Variants in RTN4RL1 observed in about 807,000 individuals in gnomAD.
The protein encoded by RTN4RL1 is reticulon 4 receptor like 1.
RTN4RL1 carries 7 observed loss-of-function variants against 25.6 expected under a neutral mutation model. The ratio of observed to expected loss-of-function variants is 0.27; its 90% CI spans 0.16 to 0.51. The LOEUF (loss-of-function observed/expected upper bound fraction) is 0.51, where lower values mean the gene tolerates loss of function less well. Among genes scored for constraint, RTN4RL1 ranks in the 20% least tolerant of loss-of-function variants. The probability of loss-of-function intolerance (pLI) is 0.97; values close to 1 mark genes in which losing one functional copy is unlikely to be tolerated. For missense variants in RTN4RL1, 500 were observed against 615.6 expected (o/e 0.81, Z 1.99); for synonymous variants, 297 against 288.2 (o/e 1.03, Z -0.31).
chr17:1,965,733 CGCCAG>C (rs1567511617), intron 1 of RTN4RL1, among the ~76,000 whole-genome samples: 1 of 152,178 alleles, frequency 6.6e-6, no homozygotes, highest in East Asian at 1.9e-4. Flanking sequence ...CCCCTGGCCC[CGCCAG>C]GCCCCCACTG....
intron 1 of RTN4RL1, among the ~76,000 whole-genome samples, chr17:1,965,892 C>T (rs1026909631): frequency 6.6e-6 from 1 of 152,282 alleles, no homozygotes; most frequent in African/African-American, 2.4e-5. Context: ...GCCTTCCCCC[C>T]ACCCCTGAGA....
At chr17:2,007,148 A>G (rs67810169) in intron 1 of RTN4RL1, among the ~76,000 whole-genome samples, 53,101 of 151,676 alleles carry the variant, frequency 0.35, 9,648 homozygotes, top group East Asian at 0.55. Flanking sequence ...CTACAAATAC[A>G]TCAAAATCAC....
intron 1 of RTN4RL1, among the ~76,000 whole-genome samples, chr17:1,972,531 G>A (rs567390196): frequency 2.0e-5 from 3 of 151,878 alleles, no homozygotes; most frequent in East Asian, 1.9e-4. Context: ...CCCGCTTTGC[G>A]GCCCCTCCCC....
chr17:1,976,961 G>A (rs895555318), intron 1 of RTN4RL1, among the ~76,000 whole-genome samples: 1 of 152,204 alleles, frequency 6.6e-6, no homozygotes, highest in South Asian at 2.1e-4. Context: ...CTTAGCTAGT[G>A]CCTGGCTCGG....
chr17:1,988,509 A>AG (rs1183194323), intron 1 of RTN4RL1, among the ~76,000 whole-genome samples: 3 of 128,784 alleles, frequency 2.3e-5, no homozygotes, highest in Non-Finnish European at 3.3e-5. Context: ...TCTGTCTCAA[A>AG]AAAAAAAAAA....
intron 1 of RTN4RL1, among the ~76,000 whole-genome samples, chr17:2,021,521 C>T (rs904297298): frequency 4.0e-5 from 6 of 148,574 alleles, no homozygotes; most frequent in South Asian, 4.3e-4. Flanking sequence ...GGCAAGAAAA[C>T]AGCAAGAACT....
chr17:1,986,212 C>T (rs997458709), intron 1 of RTN4RL1, among the ~76,000 whole-genome samples: 13 of 152,156 alleles, frequency 8.5e-5, no homozygotes, highest in East Asian at 1.9e-4. Flanking sequence ...ACCAAGTGCT[C>T]GGCACCCTGT....
chr17:1,984,494 G>T (rs1428254357), intron 1 of RTN4RL1, among the ~76,000 whole-genome samples: 1 of 152,178 alleles, frequency 6.6e-6, no homozygotes, highest in African/African-American at 2.4e-5. Context: ...CTCCCAAAGT[G>T]CTGGGATTCC....
intron 1 of RTN4RL1, among the ~76,000 whole-genome samples, chr17:1,959,952 G>T (rs989943704): frequency 6.6e-6 from 1 of 152,126 alleles, no homozygotes; most frequent in African/African-American, 2.4e-5. Context: ...CCGCCTGCCC[G>T]CCTGGCACTG....
chr17:1,999,886 CTG>C (rs1438613122), intron 1 of RTN4RL1, among the ~76,000 whole-genome samples: 1 of 152,274 alleles, frequency 6.6e-6, no homozygotes, highest in Admixed American at 6.5e-5. Flanking sequence ...CTCTCCTCTC[CTG>C]TCTAGGGCCC....
intron 1 of RTN4RL1, among the ~76,000 whole-genome samples, chr17:2,005,258 CG>C (rs1250988436): frequency 6.6e-6 from 1 of 152,148 alleles, no homozygotes; most frequent in Admixed American, 6.5e-5. Flanking sequence ...CCTCCTGCCT[CG>C]GCTTCCCAAA....
At position 1,957,551 on chromosome 17, in the gene RTN4RL1, G is replaced by C. The variant is rs550615158; in HGVS notation, c.14-19743C>G. Among the ~76,000 whole-genome samples, 33 of 152,264 alleles carry C rather than the reference G, an allele frequency of 2.2e-4. 2 individuals carry two copies. The South Asian group carries it at 5.4e-3, about 25-fold the overall frequency. ...AGAAAAATGAAGCTCAACAAAGTGAGGTGGCAGGGCCGGGTGCAGTGGCTC... is the reference window on the plus strand; with the variant it reads ...AGAAAAATGAAGCTCAACAAAGTGACGTGGCAGGGCCGGGTGCAGTGGCTC... On this transcript the variant is annotated intron_variant, in intron 1 of 1. Transcript: ENST00000331238.
At chr17:1,991,988 C>T (rs2151319444) in intron 1 of RTN4RL1, among the ~76,000 whole-genome samples, 1 of 152,270 alleles carries the variant, frequency 6.6e-6, no homozygotes, top group South Asian at 2.1e-4. Context: ...GCCCCACGCC[C>T]ACCCTCCTTC....
At chr17:1,951,329 G>A (rs768089820) in intron 1 of RTN4RL1, among the ~76,000 whole-genome samples, 4 of 152,084 alleles carry the variant, frequency 2.6e-5, no homozygotes, top group East Asian at 1.9e-4. Flanking sequence ...GGCTTTTCGC[G>A]ACACAATGCT....
intron 1 of RTN4RL1, among the ~76,000 whole-genome samples, chr17:1,960,832 G>A (rs561972968): frequency 5.8e-4 from 88 of 152,102 alleles, no homozygotes; most frequent in African/African-American, 2.1e-3. Context: ...TCACACTGAC[G>A]GTTCCCACGG....
At chr17:1,993,552 C>A (rs545938054) in intron 1 of RTN4RL1, among the ~76,000 whole-genome samples, 1 of 152,158 alleles carries the variant, frequency 6.6e-6, no homozygotes, top group East Asian at 1.9e-4. Context: ...TTTTACAGAC[C>A]TGCTTTATTC....
chr17:1,950,508 T>C (rs893667024), intron 1 of RTN4RL1, among the ~76,000 whole-genome samples: 2 of 151,740 alleles, frequency 1.3e-5, no homozygotes, highest in Non-Finnish European at 2.9e-5. Flanking sequence ...AGCCCAGAGG[T>C]TGGCTGTACA....
chr17:1,999,725 AG>A lies in RTN4RL1; in HGVS notation c.13+25127del, dbSNP rs545257278. Among the ~76,000 whole-genome samples the A allele has an allele frequency of 1.6e-3, 237 of 152,102 alleles. 1 individual carries two copies. Among genetic ancestry groups the A allele is most frequent in the African/African-American group, 5.5e-3 (229 of 41,494 alleles). ...ACACACACTCTTGCGTGCTGACTGCAGGCGGCTGGGGAAGAGCTGCAGCCTC... is the reference window on the plus strand; with the variant it reads ...ACACACACTCTTGCGTGCTGACTGCAGCGGCTGGGGAAGAGCTGCAGCCTC... On this transcript the variant is annotated intron_variant, in intron 1 of 1. Coordinates refer to ENST00000331238, the MANE Select transcript of RTN4RL1 (RefSeq NM_178568.4).
chr17:1,995,235 G>C (rs1051687381), intron 1 of RTN4RL1, among the ~76,000 whole-genome samples: 3 of 152,164 alleles, frequency 2.0e-5, no homozygotes, highest in African/African-American at 7.2e-5. Context: ...AGACCGGCCT[G>C]GCCAACATGG....
Sources: gnomAD v4.1 joint callset for allele counts (sites outside exome capture counted in the v4.1 genomes callset) on GRCh38, gnomAD v4.1.1 for gene constraint, MANE v1.5 for transcripts, NCBI Gene and HGNC (gene_info 2026-07-23, HGNC 2026-07-21) for gene names.